The following LPAR1 variants were observed in gnomAD, a reference collection of about 807,000 sequenced individuals.
The protein encoded by LPAR1 is lysophosphatidic acid receptor 1.
In LPAR1, 5 loss-of-function variants were observed where a neutral mutation model predicts 23.8. The observed-to-expected ratio is 0.21, with a 90% confidence interval of 0.11 to 0.44. The LOEUF (loss-of-function observed/expected upper bound fraction) is 0.44. LPAR1 is among the 20% of genes least tolerant of loss of function. The probability of loss-of-function intolerance (pLI) is 0.99; values close to 1 mark genes in which losing one functional copy is unlikely to be tolerated. For synonymous variants in LPAR1, 160 were observed against 164.7 expected (o/e 0.97, Z 0.22); for missense variants, 311 against 482.8 (o/e 0.64, Z 3.33).
chr9:110,883,681 C>T (rs1455992734), intron 5 of LPAR1, among the ~76,000 whole-genome samples: 9 of 124,024 alleles, frequency 7.3e-5, no homozygotes, highest in Non-Finnish European at 1.4e-4. Context: ...CTTCTAACTG[C>T]TTTTTCTTTT....
At chr9:110,930,202 T>C (rs2094315017) in intron 5 of LPAR1, among the ~76,000 whole-genome samples, 1 of 152,198 alleles carries the variant, frequency 6.6e-6, no homozygotes, top group Non-Finnish European at 1.5e-5. Flanking sequence ...CTCCATAGGA[T>C]GTTAATCTGA....
At chr9:110,903,389 T>C (rs965415848) in intron 5 of LPAR1, 1 of 152,068 alleles carries the variant, frequency 6.6e-6, no homozygotes, top group African/African-American at 2.4e-5. Context: ...ATAGATAAGA[T>C]TAGCATGGCC....
chr9:110,963,564 C>T lies in LPAR1; in HGVS notation c.45+8509G>A, dbSNP rs545782221. On this transcript the variant is annotated intron_variant, in intron 4 of 5. Transcript: ENST00000683809. ...CCAGAATTTACCTAATGTTAAATGA[C>T]GAGTTAATGGGTGCAGAACACCAAC... Among the ~76,000 whole-genome samples, 199 of 152,122 alleles carry T rather than the reference C, an allele frequency of 1.3e-3. 1 individual carries two copies. The highest frequency in any genetic ancestry group is 2.4e-3 in the Non-Finnish European group (165 of 68,008).
intron 2 of LPAR1, among the ~76,000 whole-genome samples, chr9:111,015,342 A>C (rs2097422405): frequency 6.6e-6 from 1 of 151,996 alleles, no homozygotes; most frequent in Admixed American, 6.6e-5. Flanking sequence ...CACCATATCT[A>C]TTCAATAGCC....
chr9:110,964,847 C>A, intron 4 of LPAR1, among the ~76,000 whole-genome samples: 2 of 144,684 alleles, frequency 1.4e-5, no homozygotes, highest in Non-Finnish European at 1.5e-5. Flanking sequence ...AAACAGACAC[C>A]AATCACTTTT....
At chr9:111,013,652 T>C (rs1320890479) in intron 2 of LPAR1, among the ~76,000 whole-genome samples, 1 of 152,170 alleles carries the variant, frequency 6.6e-6, no homozygotes, top group African/African-American at 2.4e-5. Context: ...GATGGCATTT[T>C]TCAGATTGCT....
intron 5 of LPAR1, among the ~76,000 whole-genome samples, chr9:110,921,118 A>G (rs757013753): frequency 6.6e-6 from 1 of 152,114 alleles, no homozygotes; most frequent in Non-Finnish European, 1.5e-5. Flanking sequence ...TGTGTGACAG[A>G]GCAAAACCCT....
intron 2 of LPAR1, among the ~76,000 whole-genome samples, chr9:110,996,670 C>A (rs1328399444): frequency 1.3e-5 from 2 of 152,276 alleles, no homozygotes; most frequent in East Asian, 1.9e-4. Context: ...GTCTCTAAAT[C>A]TTTTGTATTC....
chr9:110,965,225 G>C (rs1254948262), intron 4 of LPAR1, among the ~76,000 whole-genome samples: 2 of 152,040 alleles, frequency 1.3e-5, no homozygotes, highest in African/African-American at 4.8e-5. Context: ...TCTTAACTAA[G>C]ATATTGAAAA....
intron 4 of LPAR1, 95 bp downstream of exon 4, chr9:110,971,978 A>G (rs545402298): frequency 1.9e-6 from 2 of 1,041,736 alleles, no homozygotes; most frequent in South Asian, 2.6e-5. Context: ...AGAGATATAC[A>G]TGATCCCTAG....
chr9:110,926,936 C>T (rs910336793), intron 5 of LPAR1, among the ~76,000 whole-genome samples: 9 of 152,092 alleles, frequency 5.9e-5, no homozygotes, highest in African/African-American at 1.5e-4. Context: ...GTTTGTGTGA[C>T]GTAAGTACTG....
intron 5 of LPAR1, among the ~76,000 whole-genome samples, chr9:110,931,411 T>G (rs2094406768): frequency 6.6e-6 from 1 of 152,232 alleles, no homozygotes; most frequent in Non-Finnish European, 1.5e-5. Context: ...GTCATACTCA[T>G]TAACAGAGAG....
At chr9:110,993,303 G>A (rs747698002) in intron 2 of LPAR1, among the ~76,000 whole-genome samples, 2 of 152,122 alleles carry the variant, frequency 1.3e-5, no homozygotes, top group Non-Finnish European at 2.9e-5. Context: ...GGCCCCTGGT[G>A]TGTGATGTTC....
At chr9:111,021,554 A>G (rs1453411261) in intron 2 of LPAR1, among the ~76,000 whole-genome samples, 2 of 152,256 alleles carry the variant, frequency 1.3e-5, no homozygotes, top group East Asian at 3.8e-4. Context: ...CTCCAAAGCA[A>G]GCATCCAGCA....
chr9:110,945,628 A>T (rs2095345424), intron 4 of LPAR1, among the ~76,000 whole-genome samples: 1 of 152,206 alleles, frequency 6.6e-6, no homozygotes, highest in Non-Finnish European at 1.5e-5. Context: ...AAATATACAA[A>T]TTTATTCTCT....
chr9:111,032,584 C>A (rs934005169), intron 2 of LPAR1, among the ~76,000 whole-genome samples: 1 of 152,088 alleles, frequency 6.6e-6, no homozygotes, highest in Non-Finnish European at 1.5e-5. Context: ...ATTTCTCCCT[C>A]CAAAGACCCA....
intron 4 of LPAR1, among the ~76,000 whole-genome samples, chr9:110,961,527 G>T (rs10980660): frequency 2.0e-5 from 3 of 149,592 alleles, no homozygotes; most frequent in Admixed American, 6.7e-5. Context: ...GGCTGAGACA[G>T]GAGAATCGCT....
At chr9:110,945,170 T>C (rs1245199132) in intron 4 of LPAR1, among the ~76,000 whole-genome samples, 1 of 152,160 alleles carries the variant, frequency 6.6e-6, no homozygotes, top group Non-Finnish European at 1.5e-5. Flanking sequence ...GCACCTCCAA[T>C]GGCAGTAAGA....
At chr9:110,906,272 A>C (rs756435642) in intron 5 of LPAR1, among the ~76,000 whole-genome samples, 6 of 152,154 alleles carry the variant, frequency 3.9e-5, no homozygotes, top group Non-Finnish European at 7.3e-5. Context: ...TATGTAGGAC[A>C]ATGTTAACCC....
Sources: gnomAD v4.1 joint callset for allele counts (sites outside exome capture counted in the v4.1 genomes callset) on GRCh38, gnomAD v4.1.1 for gene constraint, MANE v1.5 for transcripts, NCBI Gene and HGNC (gene_info 2026-07-23, HGNC 2026-07-21) for gene names.